ADK: variants seen among roughly 807,000 people sequenced by gnomAD.
The protein encoded by ADK is N6,N6-dimethyladenosine kinase.
In ADK, 24 loss-of-function variants were observed where a neutral mutation model predicts 44.7. The observed-to-expected ratio is 0.54, with a 90% confidence interval of 0.39 to 0.76. The LOEUF (loss-of-function observed/expected upper bound fraction) is 0.76, where lower values mean the gene tolerates loss of function less well. ADK is among the 30% of genes least tolerant of loss of function. The pLI, the probability that ADK is intolerant of heterozygous loss-of-function variation, is 0.00. For synonymous variants in ADK, 128 were observed against 142.6 expected (o/e 0.90, Z 0.73); for missense variants, 321 against 425.1 (o/e 0.76, Z 2.15).
intron 1 of ADK, among the ~76,000 whole-genome samples, chr10:74,162,700 G>C (rs1185363982): frequency 6.6e-6 from 1 of 150,980 alleles, no homozygotes; most frequent in Non-Finnish European, 1.5e-5. Flanking sequence ...ATGCACCACT[G>C]TGCCCAGCTC....
chr10:74,673,933 G>A (rs970229028), intron 10 of ADK, among the ~76,000 whole-genome samples: 3 of 152,090 alleles, frequency 2.0e-5, no homozygotes, highest in African/African-American at 7.2e-5. Flanking sequence ...AAGTCAAGCC[G>A]CTTCTCTCCG....
Position 74,302,101 on chromosome 10 carries a change from G to GTTTTTTTTTTTTTTTTTTTTTTTTTT in ADK, c.195-12563_195-12562insTTTTTTTTTTTTTTTTTTTTTTTTTT, listed in dbSNP as rs1564642239. On this transcript the variant is annotated intron_variant, in intron 3 of 10. Transcript: ENST00000539909. ...TTCTTTTCTTTTCTGTTTTTTTTTT[G>GTTTTTTTTTTTTTTTTTTTTTTTTTT]TTTGTTTGTTTTTTTTTTTTTTTTT... 3.4e-4 allele frequency among the ~76,000 whole-genome samples: 4 copies of GTTTTTTTTTTTTTTTTTTTTTTTTTT among 11,708 alleles called. 1 individual carries two copies. Among genetic ancestry groups the GTTTTTTTTTTTTTTTTTTTTTTTTTT allele is most frequent in the African/African-American group, 1.1e-3 (4 of 3,544 alleles). 7.7% of individuals were successfully genotyped at this position (11,708 alleles called of 152,430 possible). A position where few individuals can be genotyped will look rare whatever the true frequency, so the allele number is the denominator to read the frequency against.
chr10:74,671,254 G>A (rs1855170727), intron 10 of ADK, among the ~76,000 whole-genome samples: 1 of 150,338 alleles, frequency 6.7e-6, no homozygotes, highest in Non-Finnish European at 1.5e-5. Context: ...CTGGTGTGCA[G>A]TGGTGCAATC....
intron 6 of ADK, among the ~76,000 whole-genome samples, chr10:74,446,914 T>C (rs1320199151): frequency 6.6e-6 from 1 of 152,122 alleles, no homozygotes; most frequent in African/African-American, 2.4e-5. Context: ...GGGGGTTGTT[T>C]TGTTTTTATA....
chr10:74,527,021 T>C (rs1014687456), intron 7 of ADK, among the ~76,000 whole-genome samples: 1 of 152,176 alleles, frequency 6.6e-6, no homozygotes, highest in East Asian at 1.9e-4. Flanking sequence ...AAATAAGTTC[T>C]CTAGAGTTTA....
At chr10:74,559,183 G>T (rs957251594) in intron 7 of ADK, among the ~76,000 whole-genome samples, 1 of 152,228 alleles carries the variant, frequency 6.6e-6, no homozygotes, top group Non-Finnish European at 1.5e-5. Context: ...ACTGCTCCCT[G>T]ACGCTGTTCA....
At chr10:74,196,394 G>T (rs748913602) in intron 1 of ADK, among the ~76,000 whole-genome samples, 3 of 152,016 alleles carry the variant, frequency 2.0e-5, no homozygotes, top group African/African-American at 7.2e-5. Context: ...ACAGAAATTA[G>T]CTGGGCATAG....
chr10:74,315,600 T>A (rs1336602553), intron 4 of ADK, among the ~76,000 whole-genome samples: 1 of 84,216 alleles, frequency 1.2e-5, no homozygotes, highest in Non-Finnish European at 3.4e-5. Flanking sequence ...TGCAATCATG[T>A]GTCAGTTCTG....
Position 74,603,260 on chromosome 10 carries a change from A to AT in ADK, c.877+2776dup, listed in dbSNP as rs199862880. Among the ~76,000 whole-genome samples the AT allele has an allele frequency of 1.6e-3, 241 of 150,648 alleles. 1 individual carries two copies. Among genetic ancestry groups the AT allele is most frequent in the African/African-American group, 5.2e-3 (213 of 41,138 alleles). ...TTAGGAATCATTGTGCCTTAAACCT[A>AT]TTTTTTTTTAATGATACTTTAAGTT... is the stretch of plus-strand genomic sequence containing the variant. On this transcript the variant is annotated intron_variant, in intron 9 of 10. Transcript: ENST00000539909.
At chr10:74,249,153 T>C (rs1352546053) in intron 3 of ADK, among the ~76,000 whole-genome samples, 2 of 152,206 alleles carry the variant, frequency 1.3e-5, no homozygotes, top group Non-Finnish European at 1.5e-5. Context: ...ACTGAAATGA[T>C]GACTACACTA....
At chr10:74,354,729 T>C (rs1191571003) in intron 4 of ADK, among the ~76,000 whole-genome samples, 1 of 152,198 alleles carries the variant, frequency 6.6e-6, no homozygotes, top group Non-Finnish European at 1.5e-5. Context: ...TCAGCTGACT[T>C]GATCTGTTAC....
At chr10:74,559,230 C>T (rs1445410771) in intron 7 of ADK, among the ~76,000 whole-genome samples, 1 of 152,262 alleles carries the variant, frequency 6.6e-6, no homozygotes, top group Non-Finnish European at 1.5e-5. Flanking sequence ...GCTGCCCAGG[C>T]ATGGCAGACT....
At chr10:74,352,851 A>C (rs914447928) in intron 4 of ADK, among the ~76,000 whole-genome samples, 3 of 152,246 alleles carry the variant, frequency 2.0e-5, no homozygotes, top group Admixed American at 6.5e-5. Flanking sequence ...ATGCAAATCA[A>C]AACCACAATG....
rs74683698 is a variant in ADK, at chr10:74,332,427, G to C, written c.273+17682G>C. Reference sequence around the variant, plus strand: ...GTGAGACTATAAAAAGGTAAATTTAGAGAAAGCTTCCAGATCTGCTCTAGA... The same window carrying C: ...GTGAGACTATAAAAAGGTAAATTTACAGAAAGCTTCCAGATCTGCTCTAGA... On this transcript the variant is annotated intron_variant, in intron 4 of 10. Coordinates refer to ENST00000539909, the MANE Select transcript of ADK (RefSeq NM_006721.4). Among the ~76,000 whole-genome samples, 57 of 152,334 alleles carry C rather than the reference G, an allele frequency of 3.7e-4. No homozygotes were observed. The East Asian group carries it at 0.01, about 28-fold the overall frequency.
chr10:74,634,946 A>G (rs544464334), intron 9 of ADK, among the ~76,000 whole-genome samples: 18 of 152,256 alleles, frequency 1.2e-4, no homozygotes, highest in African/African-American at 4.3e-4. Context: ...ACTCCATCTC[A>G]GAAAAAAAAC....
chr10:74,701,572 G>A lies in ADK; in HGVS notation c.965-6749G>A, dbSNP rs552560116. On this transcript the variant is annotated intron_variant, in intron 10 of 10. Transcript: ENST00000539909. ...TGACACGGGAGCCACCAGCCTGAAC[G>A]GCTCCCACTGGCAAAAACTGGAATA... 2.0e-5 allele frequency among the ~76,000 whole-genome samples: 3 copies of A among 152,286 alleles called. No homozygotes were observed. The South Asian group carries it at 6.2e-4, about 32-fold the overall frequency.
chr10:74,344,633 T>C (rs1841700317), intron 4 of ADK: 2 of 228,556 alleles, frequency 8.8e-6, no homozygotes, highest in South Asian at 1.6e-4. Flanking sequence ...ATTCTTTTTG[T>C]CATTTAAAAA....
chr10:74,199,082 A>G (rs1843270988), intron 1 of ADK, among the ~76,000 whole-genome samples: 1 of 152,216 alleles, frequency 6.6e-6, no homozygotes, highest in Non-Finnish European at 1.5e-5. Flanking sequence ...TGGATACATA[A>G]TAAGAGAATT....
chr10:74,697,452 G>C (rs1375218462), intron 10 of ADK, among the ~76,000 whole-genome samples: 6 of 152,140 alleles, frequency 3.9e-5, no homozygotes, highest in African/African-American at 1.4e-4. Flanking sequence ...TGGGAGGATT[G>C]CTTGAGCCCA....
Sources: gnomAD v4.1 joint callset for allele counts (sites outside exome capture counted in the v4.1 genomes callset) on GRCh38, gnomAD v4.1.1 for gene constraint, MANE v1.5 for transcripts, NCBI Gene and HGNC (gene_info 2026-07-23, HGNC 2026-07-21) for gene names.